The following CLIC2 variants were observed in gnomAD, a reference collection of about 807,000 sequenced individuals.
The protein encoded by CLIC2 is CLIC family member 2.
Under a neutral mutation model 14.8 loss-of-function variants are expected in CLIC2, and 9 were observed. That is an observed-to-expected ratio of 0.61 (90% CI 0.37 to 1.06). CLIC2 has a LOEUF of 1.06. Among genes scored for constraint, CLIC2 ranks in the 50% least tolerant of loss-of-function variants. CLIC2 has a pLI of 0.01. For missense variants in CLIC2, 148 were observed against 181.4 expected (o/e 0.82, Z 1.06); for synonymous variants, 61 against 66.3 (o/e 0.92, Z 0.39).
At chrX:155,280,432 C>A (rs1557316303) in intron 3 of CLIC2, among the ~76,000 whole-genome samples, 1 of 111,918 alleles carries the variant, frequency 8.9e-6, no homozygotes, top group Non-Finnish European at 1.9e-5. Context: ...GTGGCTCACG[C>A]CTGTAATCCC....
chrX:155,317,015 T>G (rs1009616921), intron 1 of CLIC2, among the ~76,000 whole-genome samples: 1 of 111,484 alleles, frequency 9.0e-6, no homozygotes, highest in Non-Finnish European at 1.9e-5. Flanking sequence ...ATCAATACTT[T>G]GCATCCTTCA....
At chrX:155,319,110 GAAGAA>G (rs1455677982) in intron 1 of CLIC2, among the ~76,000 whole-genome samples, 6 of 112,107 alleles carry the variant, frequency 5.4e-5, no homozygotes, top group Non-Finnish European at 9.4e-5. Context: ...AAAAATTCTA[GAAGAA>G]AACATTGGAA....
intron 5 of CLIC2, among the ~76,000 whole-genome samples, chrX:155,278,306 G>C (rs1179584687): frequency 9.0e-6 from 1 of 111,699 alleles, no homozygotes; most frequent in African/African-American, 3.3e-5. Context: ...ACTATATTTA[G>C]AGGAAGGAAC....
chrX:155,333,657 AAT>A (rs2075164447), intron 1 of CLIC2, among the ~76,000 whole-genome samples: 2 of 109,489 alleles, frequency 1.8e-5, no homozygotes, highest in South Asian at 8.0e-4. Flanking sequence ...TTGATGAGCT[AAT>A]TTGGAAACAC....
At chrX:155,319,309 G>A (rs1464109673) in intron 1 of CLIC2, among the ~76,000 whole-genome samples, 8 of 111,673 alleles carry the variant, frequency 7.2e-5, no homozygotes, top group Non-Finnish European at 1.1e-4. Context: ...AGCTCCCAGC[G>A]AGATCAACAC....
rs1360467622 is a variant in CLIC2, at chrX:155,285,976, T to C, written c.294-5908A>G. On this transcript the variant is annotated intron_variant, in intron 3 of 5. Coordinates refer to ENST00000369449, the MANE Select transcript of CLIC2 (RefSeq NM_001289.6). Reference sequence around the variant, plus strand: ...GGAGGCCCCCCAAAAACCATATTTATTTCATTAAAAAAATTTATTTTAGTT... The same window carrying C: ...GGAGGCCCCCCAAAAACCATATTTACTTCATTAAAAAAATTTATTTTAGTT... 2.7e-5 allele frequency among the ~76,000 whole-genome samples: 3 copies of C among 110,307 alleles called. No homozygotes were observed. The Admixed American group carries it at 2.9e-4, about 11-fold the overall frequency.
At chrX:155,299,475 A>C (rs2075007167) in intron 1 of CLIC2, among the ~76,000 whole-genome samples, 1 of 111,381 alleles carries the variant, frequency 9.0e-6, no homozygotes, top group Admixed American at 9.5e-5. Flanking sequence ...AGCTTCTTCC[A>C]CTTCTGAGAT....
intron 3 of CLIC2, among the ~76,000 whole-genome samples, chrX:155,280,990 G>GATAGAT (rs1557316383): frequency 1.1e-5 from 1 of 89,918 alleles, no homozygotes; most frequent in Non-Finnish European, 2.2e-5. Flanking sequence ...GAAATTGTGA[G>GATAGAT]ATATATATAT....
At chrX:155,315,711 C>A (rs1389375397) in intron 1 of CLIC2, among the ~76,000 whole-genome samples, 2 of 109,675 alleles carry the variant, frequency 1.8e-5, no homozygotes, top group Admixed American at 1.9e-4. Context: ...GAAAAAAAAA[C>A]CAAGGTATTG....
At chrX:155,287,931 T>C (rs1557317237) in intron 3 of CLIC2, among the ~76,000 whole-genome samples, 1 of 111,749 alleles carries the variant, frequency 8.9e-6, no homozygotes, top group East Asian at 2.8e-4. Flanking sequence ...CTTTGAGCAG[T>C]GTTTTGTAAT....
At chrX:155,290,337 A>G in intron 3 of CLIC2, 1 of 364,636 alleles carries the variant, frequency 2.7e-6, no homozygotes, top group Non-Finnish European at 5.0e-6. Context: ...TAGTATTGCT[A>G]TGTTTAATGT....
intron 1 of CLIC2, among the ~76,000 whole-genome samples, chrX:155,316,751 C>A (rs1405382643): frequency 9.0e-6 from 1 of 110,724 alleles, no homozygotes; most frequent in Non-Finnish European, 1.9e-5. Flanking sequence ...GCAAGGAGAA[C>A]CAGGCCAAGT....
intron 1 of CLIC2, among the ~76,000 whole-genome samples, chrX:155,326,187 T>TA (rs1480472105): frequency 3.6e-5 from 4 of 110,741 alleles, no homozygotes; most frequent in African/African-American, 1.3e-4. Context: ...TAATTCTTTT[T>TA]AAAAAGAAAC....
At chrX:155,311,186 CT>C (rs1251996645) in intron 1 of CLIC2, among the ~76,000 whole-genome samples, 2 of 112,144 alleles carry the variant, frequency 1.8e-5, no homozygotes, top group East Asian at 5.6e-4. Context: ...ATGGGATTTT[CT>C]TTTCTATCAC....
chrX:155,307,199 T>A (rs956659068), intron 1 of CLIC2, among the ~76,000 whole-genome samples: 1 of 111,868 alleles, frequency 8.9e-6, no homozygotes, highest in Non-Finnish European at 1.9e-5. Context: ...GTGCATTTTA[T>A]GAGTGTATAA....
At chrX:155,291,721 T>C (rs1557317627) in intron 3 of CLIC2, among the ~76,000 whole-genome samples, 1 of 112,255 alleles carries the variant, frequency 8.9e-6, no homozygotes, top group Non-Finnish European at 1.9e-5. Flanking sequence ...TAAAGATGCT[T>C]AAATGTATCT....
chrX:155,331,823 C>A (rs1242391035), intron 1 of CLIC2, among the ~76,000 whole-genome samples: 1 of 111,113 alleles, frequency 9.0e-6, no homozygotes, highest in African/African-American at 3.3e-5. Flanking sequence ...ATTAATCAGT[C>A]TTTATAAGTA....
At position 155,294,835 on chromosome X, in the gene CLIC2, G is replaced by A. The variant is rs1043470109; in HGVS notation, c.293+3950C>T. Among the ~76,000 whole-genome samples the A allele has an allele frequency of 5.4e-5, 6 of 111,711 alleles. No homozygotes were observed. The Admixed American group carries it at 5.7e-4, about 11-fold the overall frequency. On this transcript the variant is annotated intron_variant, in intron 3 of 5. Transcript: ENST00000369449. Reference sequence around the variant, plus strand: ...GCTGAGACTGAATTGGGAAGAAATAGAAAACATGAACAGACCAATAATGAG... The same window carrying A: ...GCTGAGACTGAATTGGGAAGAAATAAAAAACATGAACAGACCAATAATGAG...
chrX:155,311,598 A>G (rs2075074627), intron 1 of CLIC2, among the ~76,000 whole-genome samples: 1 of 111,648 alleles, frequency 9.0e-6, no homozygotes, highest in African/African-American at 3.3e-5. Context: ...TCTGCCTATT[A>G]CCCAGTTCCA....
Sources: allele counts gnomAD v4.1 joint callset (sites outside exome capture counted in the v4.1 genomes callset), GRCh38; gene constraint gnomAD v4.1.1; transcripts MANE v1.5; gene names NCBI Gene and HGNC (gene_info 2026-07-23, HGNC 2026-07-21).